Variants in PXK observed in about 807,000 individuals in gnomAD.
The protein encoded by PXK is PX domain containing serine/threonine kinase like, also known as PX domain-containing protein kinase-like protein.
PXK carries 35 observed loss-of-function variants against 84.7 expected under a neutral mutation model. The observed-to-expected ratio is 0.41, with a 90% CI of 0.32 to 0.55. The LOEUF (loss-of-function observed/expected upper bound fraction) is 0.55. Among genes scored for constraint, PXK ranks in the 20% least tolerant of loss-of-function variants. The probability of loss-of-function intolerance (pLI) is 0.21; values close to 1 mark genes in which losing one functional copy is unlikely to be tolerated. For synonymous variants in PXK, 253 were observed against 260.8 expected, an observed-to-expected ratio of 0.97 and a Z score of 0.29; for missense variants, 634 against 699.7, an observed-to-expected ratio of 0.91 and a Z score of 1.06.
At chr3:58,378,320 A>C (rs957633041) in intron 3 of PXK, among the ~76,000 whole-genome samples, 3 of 151,960 alleles carry the variant, frequency 2.0e-5, no homozygotes, top group African/African-American at 7.3e-5. Flanking sequence ...TCATCTGGTA[A>C]AATAAAGCCC....
Position 58,349,104 on chromosome 3 carries a change from C to T in PXK, c.102+16014C>T, listed in dbSNP as rs1038945746. On this transcript the variant is annotated intron_variant, in intron 1 of 17. Coordinates refer to ENST00000356151, the MANE Select transcript of PXK (RefSeq NM_017771.5). ...AAAATATTTGCCAGGCATGGTAGCT[C>T]ATGCCTGTAGCCCCAGTTACTAGGG... is the stretch of plus-strand genomic sequence containing the variant. 2.6e-5 allele frequency among the ~76,000 whole-genome samples: 4 copies of T among 151,402 alleles called. No individual in the cohort carries two copies. In the South Asian group the frequency reaches 8.4e-4, roughly 32 times the overall value.
Position 58,400,655 on chromosome 3 carries a change from A to G in PXK, c.1181+1278A>G, listed in dbSNP as rs2058419224. ...GGGCCGGGCAGTGGCTCATGCCTAT[A>G]ATCCCAGCACTTTGGGAGGCTGAGG... is the stretch of plus-strand genomic sequence containing the variant. On this transcript the variant is annotated intron_variant, in intron 12 of 17. Transcript: ENST00000356151. The surrounding 1 kb of genome is among the most constrained non-coding windows in gnomAD (Gnocchi z 4.0). Among the ~76,000 whole-genome samples the G allele has an allele frequency of 1.3e-5, 2 of 152,230 alleles. No homozygotes were observed. Among genetic ancestry groups the G allele is most frequent in the Non-Finnish European group, 2.9e-5 (2 of 68,036 alleles).
At position 58,424,609 on chromosome 3, in the gene PXK, A is replaced by G. The variant is rs144454739; in HGVS notation, c.1529-143A>G. On this transcript the variant is annotated intron_variant, in intron 17 of 17. Transcript: ENST00000356151. ...TTCTAGCTTTCTTTAGTATTTTAAG[A>G]ACTCATACAGTACTAGGTATGTTGG... is the stretch of plus-strand genomic sequence containing the variant. 2,237 of 1,135,672 alleles carry G rather than the reference A, an allele frequency of 2.0e-3. 42 individuals are homozygous for G. The African/African-American group carries it at 0.031, about 16-fold the overall frequency. The allele number at this position is 1,135,672 out of a possible 1,614,324, so 70.3% of individuals were successfully genotyped here.
intron 3 of PXK, among the ~76,000 whole-genome samples, chr3:58,380,504 A>G (rs918744195): frequency 6.6e-6 from 1 of 152,052 alleles, no homozygotes; most frequent in African/African-American, 2.4e-5. Context: ...AGACAACCAA[A>G]TATTTATTTA....
chr3:58,365,337 A>C (rs2098254405), intron 1 of PXK, among the ~76,000 whole-genome samples: 1 of 152,032 alleles, frequency 6.6e-6, no homozygotes, highest in South Asian at 2.1e-4. Flanking sequence ...TACCAATCTT[A>C]CTGATTTCTA....
chr3:58,391,693 A>G (rs2098633140), intron 6 of PXK, 80 bp from the exon 7 acceptor site: 4 of 1,277,660 alleles, frequency 3.1e-6, no homozygotes, highest in East Asian at 4.6e-5. Flanking sequence ...TATTTTGGAT[A>G]ATAAAATTAA....
rs1291314643 is a variant in PXK at position 58,390,262 on chromosome 3, A to T, written c.389-320A>T. 6.6e-6 allele frequency among the ~76,000 whole-genome samples: 1 copy of T among 152,092 alleles called. No homozygotes were observed. The highest frequency in any genetic ancestry group is 1.5e-5 in the Non-Finnish European group (1 of 68,012). On this transcript the variant is annotated intron_variant, in intron 4 of 17. Coordinates refer to ENST00000356151, the MANE Select transcript of PXK (RefSeq NM_017771.5). The surrounding 1 kb of genome is among the most constrained non-coding windows in gnomAD (Gnocchi z 4.2). ...TATACTTCTCACCCAGTTTCTCCTAATGTTAATATTTTATATAACCATGGC... is the reference window on the plus strand; with the variant it reads ...TATACTTCTCACCCAGTTTCTCCTATTGTTAATATTTTATATAACCATGGC...
At chr3:58,361,287 C>T (rs1023439864) in intron 1 of PXK, among the ~76,000 whole-genome samples, 1 of 123,038 alleles carries the variant, frequency 8.1e-6, no homozygotes, top group Non-Finnish European at 1.6e-5. Context: ...CAGAGCAAGA[C>T]TCTGTCTCAA....
intron 13 of PXK, among the ~76,000 whole-genome samples, chr3:58,404,689 T>G (rs558412284): frequency 6.6e-6 from 1 of 152,344 alleles, no homozygotes; most frequent in South Asian, 2.1e-4. Flanking sequence ...CTCTTGGCAG[T>G]GCTCACTATG....
At chr3:58,402,268 C>A (rs924113542) in intron 12 of PXK, among the ~76,000 whole-genome samples, 1 of 130,022 alleles carries the variant, frequency 7.7e-6, no homozygotes, top group Admixed American at 8.4e-5. Context: ...CCCCCTCTCT[C>A]TCCCCCCTTC....
intron 1 of PXK, among the ~76,000 whole-genome samples, chr3:58,346,868 T>G (rs2097832129): frequency 6.6e-6 from 1 of 152,034 alleles, no homozygotes; most frequent in African/African-American, 2.4e-5. Context: ...GCACGGAGTC[T>G]GGCTCCGTCA....
intron 3 of PXK, among the ~76,000 whole-genome samples, chr3:58,373,634 T>C (rs1373021045): frequency 6.6e-6 from 1 of 152,166 alleles, no homozygotes; most frequent in African/African-American, 2.4e-5. Flanking sequence ...GAAGATCTGA[T>C]GTTGGAAGTA....
chr3:58,411,809 G>A lies in PXK; in HGVS notation c.1466-1092G>A, dbSNP rs890250871. ...CCCCATTAAAGTTCATTAGCACTAC[G>A]AACAGTATAAAGACAGCATGCATTG... On this transcript the variant is annotated intron_variant, in intron 16 of 17. Transcript: ENST00000356151. This position sits in a 1 kb window ranked among gnomAD's most constrained non-coding sequence, Gnocchi z 4.2. Among the ~76,000 whole-genome samples the A allele has an allele frequency of 6.6e-6, 1 of 152,122 alleles. No homozygotes were observed. The highest frequency in any genetic ancestry group is 1.5e-5 in the Non-Finnish European group (1 of 68,022).
At position 58,424,783 on chromosome 3, in the gene PXK, TCCA is replaced by T; in HGVS notation, c.1570_1572del (p.Pro524del). On this transcript the variant is annotated inframe_deletion, in exon 18 of 18. Transcript: ENST00000356151. Reference sequence around the variant, plus strand: ...CTGCATTACCTCCACCTCCTCCACCTCCACCACCACCAGCAGCTCCCTTGCCTC... The same window carrying T: ...CTGCATTACCTCCACCTCCTCCACCTCCACCACCAGCAGCTCCCTTGCCTC... 1 of 1,613,936 alleles carries T rather than the reference TCCA, an allele frequency of 6.2e-7. No individual in the cohort carries two copies. The highest frequency in any genetic ancestry group is 8.5e-7 in the Non-Finnish European group (1 of 1,179,954).
In PXK at chr3:58,390,484, T is replaced by G; in HGVS notation, c.389-98T>G. Reference sequence around the variant, plus strand: ...TTGGTAATTAAGTTTTTTAAAAAGGTCATAGACTATAGGGATTTCATTTAC... The same window carrying G: ...TTGGTAATTAAGTTTTTTAAAAAGGGCATAGACTATAGGGATTTCATTTAC... On this transcript the variant is annotated intron_variant, in intron 4 of 17. Transcript: ENST00000356151. This position sits in a 1 kb window ranked among gnomAD's most constrained non-coding sequence, Gnocchi z 4.2. The G allele has an allele frequency of 1.3e-6, 1 of 748,898 alleles. No individual in the cohort carries two copies. The highest frequency in any genetic ancestry group is 1.8e-5 in the African/African-American group (1 of 56,154). 46.4% of individuals were successfully genotyped at this position (748,898 alleles called of 1,614,324 possible).
chr3:58,412,862 C>T lies in PXK; in HGVS notation c.1466-39C>T, dbSNP rs758149191. ...CCTGGGCCAAATTCCAAATGTCTTT[C>T]GTTGGTCCCCATGAGGGTTTCTCTG... On this transcript the variant is annotated intron_variant, in intron 16 of 17. Coordinates refer to ENST00000356151, the MANE Select transcript of PXK (RefSeq NM_017771.5). The surrounding 1 kb of genome is among the most constrained non-coding windows in gnomAD (Gnocchi z 6.2). The T allele has an allele frequency of 1.0e-5, 16 of 1,606,700 alleles. 1 individual carries two copies. The African/African-American group carries it at 1.5e-4, about 15-fold the overall frequency.
chr3:58,366,640 C>T (rs2098276512), intron 2 of PXK, among the ~76,000 whole-genome samples: 2 of 152,290 alleles, frequency 1.3e-5, no homozygotes, highest in African/African-American at 2.4e-5. Flanking sequence ...CCTTAAGCAG[C>T]CTCTTACACA....
chr3:58,346,066 G>A (rs1361636920), intron 1 of PXK, among the ~76,000 whole-genome samples: 1 of 152,192 alleles, frequency 6.6e-6, no homozygotes, highest in African/African-American at 2.4e-5. Flanking sequence ...TTGGGGTACA[G>A]GTCTAAGCAA....
At position 58,421,333 on chromosome 3, in the gene PXK, G is replaced by A; in HGVS notation, c.1529-3419G>A. The A allele has an allele frequency of 1.0e-6, 1 of 983,246 alleles. No individual in the cohort carries two copies. The highest frequency in any genetic ancestry group is 4.7e-5 in the South Asian group (1 of 21,242). The allele number at this position is 983,246 out of a possible 1,614,324, so 60.9% of individuals were successfully genotyped here. A position where few individuals can be genotyped will look rare whatever the true frequency, so the allele number is the denominator to read the frequency against. Reference sequence around the variant, plus strand: ...GCAGTGGCTCACATCTATAATCTCAGCACTTTGGGAGGCTGAGGCGGGCGG... The same window carrying A: ...GCAGTGGCTCACATCTATAATCTCAACACTTTGGGAGGCTGAGGCGGGCGG... On this transcript the variant is annotated intron_variant, in intron 17 of 17. Coordinates refer to ENST00000356151, the MANE Select transcript of PXK (RefSeq NM_017771.5). This position sits in a 1 kb window ranked among gnomAD's most constrained non-coding sequence, Gnocchi z 5.5.
Sources: allele counts gnomAD v4.1 joint callset (sites outside exome capture counted in the v4.1 genomes callset), GRCh38; gene constraint gnomAD v4.1.1; non-coding constraint Gnocchi (gnomAD v3.1); transcripts MANE v1.5; gene names NCBI Gene and HGNC (gene_info 2026-07-23, HGNC 2026-07-21).